ZW10: variants seen among roughly 807,000 people sequenced by gnomAD.
ZW10 encodes the protein zw10 kinetochore protein.
In ZW10, 53 loss-of-function variants were observed where a neutral mutation model predicts 87.8. That is an observed-to-expected ratio of 0.60 (90% CI 0.48 to 0.76). ZW10 has a LOEUF of 0.76. ZW10 is among the 30% of genes least tolerant of loss of function. ZW10 has a pLI of 0.00. For missense variants in ZW10, 837 were observed against 923.0 expected (o/e 0.91, Z 1.21); for synonymous variants, 312 against 329.2 (o/e 0.95, Z 0.57).
In ZW10 at chr11:113,752,566, A is replaced by G. The variant is rs570053604; in HGVS notation, c.926-4146T>C. ...CATATATCTGTGTCACATTTTGGCA[A>G]TTCTCAGAGTATTTCAAACTTTTTC... On this transcript the variant is annotated intron_variant, in intron 7 of 15. Transcript: ENST00000200135. Among the ~76,000 whole-genome samples the G allele has an allele frequency of 7.9e-5, 12 of 152,338 alleles. No individual in the cohort carries two copies. In the South Asian group the frequency reaches 2.3e-3, roughly 29 times the overall value.
chr11:113,770,101 T>C (rs1487522762), intron 1 of ZW10: 1 of 153,394 alleles, frequency 6.5e-6, no homozygotes. Flanking sequence ...TTTTTTTTTT[T>C]TTTTTGAGAT....
chr11:113,773,009 T>C (rs1454465128), intron 1 of ZW10, among the ~76,000 whole-genome samples: 2 of 143,670 alleles, frequency 1.4e-5, no homozygotes, highest in Non-Finnish European at 3.1e-5. Flanking sequence ...AATAAAAACA[T>C]ACTGAGGGTT....
At chr11:113,743,475 A>T (rs2134871437) in intron 10 of ZW10, among the ~76,000 whole-genome samples, 1 of 152,362 alleles carries the variant, frequency 6.6e-6, no homozygotes, top group South Asian at 2.1e-4. Context: ...AATAAAAAGT[A>T]AAAATTCAAC....
Position 113,757,735 on chromosome 11 carries a change from CA to C in ZW10, c.851del (p.Leu284TrpfsTer17). ...AAACTTCAGATGGTGATGGATATTC[CA>C]AGTTAGTCATTATAGATTCAAAACG... ...IIRFESIMTN[L>X]EYPSPSEVFT... On this transcript the variant is annotated frameshift_variant, in exon 7 of 16. Transcript: ENST00000200135. LOFTEE classifies it high-confidence loss of function. The C allele has an allele frequency of 6.2e-7, 1 of 1,613,088 alleles. No homozygotes were observed. Among genetic ancestry groups the C allele is most frequent in the Non-Finnish European group, 8.5e-7 (1 of 1,179,384 alleles).
chr11:113,734,728 G>A (rs118091141), intron 15 of ZW10, among the ~76,000 whole-genome samples: 12,570 of 151,686 alleles, frequency 0.083, 573 homozygotes, highest in Middle Eastern at 0.17. Flanking sequence ...TTGCTGGAGC[G>A]TGGGAGGCAG....
chr11:113,746,640 T>C (rs1331258714), intron 9 of ZW10, among the ~76,000 whole-genome samples: 2 of 151,466 alleles, frequency 1.3e-5, no homozygotes, highest in Non-Finnish European at 2.9e-5. Flanking sequence ...GTACAGGAAA[T>C]AGGGGAGGTT....
intron 11 of ZW10, 71 bp downstream of exon 11, chr11:113,741,623 T>C: frequency 2.0e-6 from 2 of 1,007,604 alleles, no homozygotes; most frequent in Non-Finnish European, 2.9e-6. Context: ...TATAAAATTA[T>C]TTGTTTTAAC....
At chr11:113,739,613 A>T (rs1416096913) in intron 11 of ZW10, among the ~76,000 whole-genome samples, 1 of 152,214 alleles carries the variant, frequency 6.6e-6, no homozygotes, top group Non-Finnish European at 1.5e-5. Flanking sequence ...ATAAAGAAAG[A>T]TTAAGGGAAT....
At chr11:113,766,673 C>CAA (rs34081366) in intron 2 of ZW10, among the ~76,000 whole-genome samples, 315 of 27,102 alleles carry the variant, frequency 0.012, 1 homozygote, top group Non-Finnish European at 0.012. Flanking sequence ...GACTCCATCT[C>CAA]AAAAAAAAAA....
At chr11:113,767,219 C>G (rs1953917869) in intron 2 of ZW10, among the ~76,000 whole-genome samples, 1 of 149,568 alleles carries the variant, frequency 6.7e-6, no homozygotes, top group Admixed American at 6.7e-5. Flanking sequence ...CACTGCATTT[C>G]AAGGTATCTC....
At position 113,738,306 on chromosome 11, in the gene ZW10, G is replaced by A. The variant is rs751108163; in HGVS notation, c.1842C>T (p.Asp614=). ...LSSARNFSNM[D]DEENYSAASK... ...TTGCTGCAGAATAATTCTCTTCATC[G>A]TCCATATTTGAAAAGTTCCTAGCAC... Residue 614 remains aspartate, a synonymous_variant, in exon 13 of 16, where the codon GAC becomes GAT. Coordinates refer to ENST00000200135, the MANE Select transcript of ZW10 (RefSeq NM_004724.4). The A allele has an allele frequency of 8.1e-6, 13 of 1,612,720 alleles. No homozygotes were observed. Among genetic ancestry groups the A allele is most frequent in the African/African-American group, 2.7e-5 (2 of 74,784 alleles).
At chr11:113,744,097 T>C (rs952071131) in intron 9 of ZW10, 57 bp from the exon 10 acceptor site, 3 of 1,440,104 alleles carry the variant, frequency 2.1e-6, no homozygotes, top group African/African-American at 2.8e-5. Context: ...AATTCAAATA[T>C]AAGCACACGG....
At chr11:113,761,572 C>A (rs917826436) in intron 2 of ZW10, among the ~76,000 whole-genome samples, 1 of 152,168 alleles carries the variant, frequency 6.6e-6, no homozygotes, top group African/African-American at 2.4e-5. Flanking sequence ...TGAGCCATGG[C>A]ACCCTGTCAG....
At chr11:113,756,514 C>A (rs1591418249) in intron 7 of ZW10, among the ~76,000 whole-genome samples, 2 of 151,808 alleles carry the variant, frequency 1.3e-5, no homozygotes, top group African/African-American at 4.8e-5. Flanking sequence ...AAATAACTAC[C>A]CTAAAGATTT....
At chr11:113,770,734 C>CT (rs944821172) in intron 1 of ZW10, among the ~76,000 whole-genome samples, 7 of 150,740 alleles carry the variant, frequency 4.6e-5, no homozygotes, top group Non-Finnish European at 1.0e-4. Flanking sequence ...AGGAGAATCA[C>CT]TTGAACCTAG....
At position 113,733,487 on chromosome 11, in the gene ZW10, G is replaced by T; in HGVS notation, c.*207C>A. On this transcript the variant is annotated 3_prime_UTR_variant, in exon 16 of 16. Transcript: ENST00000200135. ...GGCTAGAAAGTCAATGAATTGAGGT[G>T]CTTTACTTGACAATTTATCTTAATA... The T allele has an allele frequency of 1.7e-6, 1 of 573,848 alleles. No individual in the cohort carries two copies. The highest frequency in any genetic ancestry group is 3.0e-6 in the Non-Finnish European group (1 of 334,018). The allele number at this position is 573,848 out of a possible 1,614,324, so 35.5% of individuals were successfully genotyped here. A position where few individuals can be genotyped will look rare whatever the true frequency, so the allele number is the denominator to read the frequency against.
intron 9 of ZW10, among the ~76,000 whole-genome samples, chr11:113,745,528 T>G (rs188849201): frequency 6.6e-6 from 1 of 152,312 alleles, no homozygotes; most frequent in Admixed American, 6.5e-5. Flanking sequence ...AACACAAATA[T>G]CAGGGACTGG....
chr11:113,769,170 G>A (rs1953937772), intron 1 of ZW10, among the ~76,000 whole-genome samples: 1 of 151,690 alleles, frequency 6.6e-6, no homozygotes, highest in Admixed American at 6.6e-5. Context: ...ACATTATTAG[G>A]GTGAAAGAAG....
At chr11:113,755,912 G>A (rs1194639472) in intron 7 of ZW10, among the ~76,000 whole-genome samples, 1 of 152,086 alleles carries the variant, frequency 6.6e-6, no homozygotes, top group South Asian at 2.1e-4. Flanking sequence ...TTAAATTAAG[G>A]TATGTACACT....
Sources: allele counts gnomAD v4.1 joint callset (sites outside exome capture counted in the v4.1 genomes callset), GRCh38; gene constraint gnomAD v4.1.1; transcripts MANE v1.5; gene names NCBI Gene and HGNC (gene_info 2026-07-23, HGNC 2026-07-21).